The following CKAP5 variants were observed in gnomAD, a reference collection of about 807,000 sequenced individuals.
CKAP5 encodes the protein cytoskeleton-associated protein 5.
Under a neutral mutation model 232.8 loss-of-function variants are expected in CKAP5, and 27 were observed. The ratio of observed to expected loss-of-function variants is 0.12; its 90% CI spans 0.09 to 0.16. The LOEUF (loss-of-function observed/expected upper bound fraction) is 0.16. Among genes scored for constraint, CKAP5 ranks in the 10% least tolerant of loss-of-function variants. The pLI is 1.00. For missense variants in CKAP5, 1,838 were observed against 2,424.7 expected (o/e 0.76, Z 5.08); for synonymous variants, 785 against 841.1 (o/e 0.93, Z 1.16).
chr11:46,835,337 A>G (rs1939890401), intron 1 of CKAP5, among the ~76,000 whole-genome samples: 1 of 152,112 alleles, frequency 6.6e-6, no homozygotes, highest in Non-Finnish European at 1.5e-5. Context: ...CAGACGGCAG[A>G]GTATCCAGAT....
intron 33 of CKAP5, 66 bp downstream of exon 33, chr11:46,760,546 C>G: frequency 6.7e-7 from 1 of 1,483,492 alleles, no homozygotes; most frequent in African/African-American, 1.4e-5. Context: ...TGTTACAGGA[C>G]AGGCTGTGAG....
chr11:46,810,040 T>C (rs962306738), intron 5 of CKAP5, among the ~76,000 whole-genome samples, 166 bp from the exon 6 acceptor site: 1 of 152,096 alleles, frequency 6.6e-6, no homozygotes, highest in Non-Finnish European at 1.5e-5. Flanking sequence ...GGTATGATCT[T>C]GGCTCACTGC....
At chr11:46,792,948 C>G (rs1431766405) in intron 13 of CKAP5, among the ~76,000 whole-genome samples, 1 of 152,152 alleles carries the variant, frequency 6.6e-6, no homozygotes, top group Non-Finnish European at 1.5e-5. Context: ...AAAGTAGAGT[C>G]TGTAACTAGA....
At chr11:46,839,262 G>T (rs1483660893) in intron 1 of CKAP5, among the ~76,000 whole-genome samples, 1 of 152,164 alleles carries the variant, frequency 6.6e-6, no homozygotes, top group Non-Finnish European at 1.5e-5. Context: ...GCTGGGGGTA[G>T]GGGTAGAGTG....
intron 1 of CKAP5, among the ~76,000 whole-genome samples, chr11:46,845,284 C>T (rs1345755748): frequency 6.6e-6 from 1 of 152,082 alleles, no homozygotes; most frequent in Non-Finnish European, 1.5e-5. Context: ...GATTTGATGC[C>T]TTGGTCCCAT....
chr11:46,831,946 C>G (rs1017720792), intron 1 of CKAP5, among the ~76,000 whole-genome samples: 8 of 149,224 alleles, frequency 5.4e-5, no homozygotes, highest in African/African-American at 2.0e-4. Context: ...CTCACTGCAG[C>G]CTCGACTTCC....
rs372245329 is a variant in CKAP5 at position 46,792,968 on chromosome 11, G to A, written c.1651-2385C>T. Among the ~76,000 whole-genome samples the A allele has an allele frequency of 8.5e-5, 13 of 152,194 alleles. No homozygotes were observed. In the East Asian group the frequency reaches 2.5e-3, roughly 29 times the overall value. On this transcript the variant is annotated intron_variant, in intron 13 of 43. Transcript: ENST00000529230. The stretch of plus-strand genomic sequence containing the variant: ...AGAGTCTGTAACTAGAGGTACTCAG[G>A]GTAAATCCCAGCTCTGCCACTCTAC...
At chr11:46,784,463 G>C in intron 17 of CKAP5, 25 bp downstream of exon 17, 2 of 1,562,410 alleles carry the variant, frequency 1.3e-6, no homozygotes, top group Non-Finnish European at 8.7e-7. Flanking sequence ...GAAAACTAGA[G>C]GAATAAGACT....
chr11:46,746,619 G>A (rs537719982), intron 42 of CKAP5, among the ~76,000 whole-genome samples: 9 of 152,232 alleles, frequency 5.9e-5, no homozygotes, highest in African/African-American at 1.2e-4. Context: ...TAAGAATGTT[G>A]TATAAAAGAT....
At chr11:46,808,498 G>A (rs773416561) in intron 7 of CKAP5, among the ~76,000 whole-genome samples, 37 of 152,216 alleles carry the variant, frequency 2.4e-4, no homozygotes, top group South Asian at 1.0e-3. Flanking sequence ...CCAAGATCGC[G>A]CCACTGCACT....
chr11:46,753,647 C>A, intron 36 of CKAP5, 150 bp from the exon 37 acceptor site: 1 of 566,590 alleles, frequency 1.8e-6, no homozygotes. Context: ...GTGCCAGTGG[C>A]GTGATCTTGG....
At chr11:46,787,385 G>C (rs1334403559) in intron 16 of CKAP5, among the ~76,000 whole-genome samples, 1 of 152,174 alleles carries the variant, frequency 6.6e-6, no homozygotes, top group South Asian at 2.1e-4. Flanking sequence ...TACATTTCAA[G>C]TTTGTTTAGC....
intron 4 of CKAP5, among the ~76,000 whole-genome samples, chr11:46,813,792 A>G (rs1232536468): frequency 6.6e-6 from 1 of 152,142 alleles, no homozygotes; most frequent in Non-Finnish European, 1.5e-5. Context: ...TAAAAAATGA[A>G]ATAACCAGAG....
rs1938676817 is a variant in CKAP5 at position 46,790,142 on chromosome 11, G to A, written c.1809C>T (p.Thr603=). Residue 603 remains threonine, a synonymous_variant, in exon 15 of 44, where the codon ACC becomes ACT. Transcript: ENST00000529230. ...TACTGCTGTCAAGAAGCTGTATACA[G>A]GTAGGGGGAAGAACAGCTGAAGCTT... ...EEKASAVLPP[T]CIQLLDSSNW... is the part of the protein sequence containing the mutation. The A allele has an allele frequency of 1.2e-6, 2 of 1,611,502 alleles. No individual in the cohort carries two copies. Among genetic ancestry groups the A allele is most frequent in the Non-Finnish European group, 8.5e-7 (1 of 1,178,148 alleles).
chr11:46,750,159 G>T, intron 42 of CKAP5, 115 bp downstream of exon 42: 1 of 990,520 alleles, frequency 1.0e-6, no homozygotes, highest in Non-Finnish European at 1.5e-6. Context: ...AAGGCCATTT[G>T]GTGACCATTA....
intron 1 of CKAP5, among the ~76,000 whole-genome samples, chr11:46,842,322 G>A (rs1235616836): frequency 6.6e-6 from 1 of 152,144 alleles, no homozygotes; most frequent in Non-Finnish European, 1.5e-5. Flanking sequence ...TCCTGAAGGG[G>A]ACAGTCTGAT....
chr11:46,797,844 T>C lies in CKAP5; in HGVS notation c.1299A>G (p.Pro433=), dbSNP rs771752867. Residue 433 remains proline (P), a synonymous_variant, in exon 11 of 44, where the codon CCA becomes CCG. Transcript: ENST00000529230. ...SFRHCTASTL[P]KSLLKPFCAA... ...CACAAAAGGGCTTTAGCAAGCTCTT[T>C]GGCAGGGTAGAAGCAGTGCAGTGGC... 4.0e-5 allele frequency: 64 copies of C among 1,613,738 alleles called. No homozygotes were observed. The South Asian group carries it at 6.9e-4, about 17-fold the overall frequency.
Position 46,778,243 on chromosome 11 carries a change from C to A in CKAP5, c.2644G>T (p.Asp882Tyr). Residue 882 changes from aspartate to tyrosine, a missense_variant, in exon 22 of 44, where the codon GAT (aspartate) becomes TAT (tyrosine). This residue lies in a region of CKAP5 where 767 missense variants were observed against 954.6 expected (regional missense o/e 0.80). Coordinates refer to ENST00000529230, the MANE Select transcript of CKAP5 (RefSeq NM_001008938.4). ...KNWKIRKEGL[D>Y]EVAGIINDAK... is the part of the protein sequence containing the mutation. The stretch of plus-strand genomic sequence containing the variant: ...TCATTAATAATACCTGCCACTTCAT[C>A]TAGGCCTTCTTTCCTAATCTTCCAA... The A allele has an allele frequency of 6.2e-7, 1 of 1,613,892 alleles. No individual in the cohort carries two copies. Among genetic ancestry groups the A allele is most frequent in the Non-Finnish European group, 8.5e-7 (1 of 1,179,800 alleles).
intron 24 of CKAP5, among the ~76,000 whole-genome samples, chr11:46,772,966 TCTTGAC>T (rs1317845189): frequency 6.6e-6 from 1 of 152,176 alleles, no homozygotes; most frequent in African/African-American, 2.4e-5. Flanking sequence ...GGTCTCGATC[TCTTGAC>T]CTCGTGATCT....
Sources: gnomAD v4.1 joint callset for allele counts (sites outside exome capture counted in the v4.1 genomes callset) on GRCh38, gnomAD v4.1.1 for gene constraint, gnomAD v4.1.1 regional missense constraint, MANE v1.5 for transcripts, NCBI Gene and HGNC (gene_info 2026-07-23, HGNC 2026-07-21) for gene names.